Variants in C2CD2 observed in about 807,000 individuals in gnomAD.
C2CD2 encodes the protein C2 calcium dependent domain containing 2, also known as C2 domain-containing protein 2.
Under a neutral mutation model 74.3 loss-of-function variants are expected in C2CD2, and 43 were observed. The observed-to-expected ratio is 0.58, with a 90% CI of 0.45 to 0.75. The LOEUF is 0.75. Among genes scored for constraint, C2CD2 ranks in the 30% least tolerant of loss-of-function variants. The pLI is 0.00. For synonymous variants in C2CD2, 422 were observed against 390.7 expected, an observed-to-expected ratio of 1.08 and a Z score of -0.94; for missense variants, 801 against 916.3, an observed-to-expected ratio of 0.87 and a Z score of 1.63.
At position 41,897,732 on chromosome 21, in the gene C2CD2, G is replaced by A. The variant is rs535801765; in HGVS notation, c.1870+1321C>T. 4.6e-5 allele frequency among the ~76,000 whole-genome samples: 7 copies of A among 152,282 alleles called. No individual in the cohort carries two copies. The East Asian group carries it at 5.8e-4, about 13-fold the overall frequency. On this transcript the variant is annotated intron_variant, in intron 13 of 13. Coordinates refer to ENST00000380486, the MANE Select transcript of C2CD2 (RefSeq NM_015500.2). ...GGGGGCATGGGAGAGGGAGGCCGCCGTGCCATGGCTGAGGGACACAAAGCA... is the reference window on the plus strand; with the variant it reads ...GGGGGCATGGGAGAGGGAGGCCGCCATGCCATGGCTGAGGGACACAAAGCA...
chr21:41,942,741 G>A (rs922899860), intron 1 of C2CD2, among the ~76,000 whole-genome samples: 5 of 152,130 alleles, frequency 3.3e-5, no homozygotes, highest in East Asian at 1.9e-4. Flanking sequence ...GCTGTGGTAC[G>A]ATTACTTAGG....
In C2CD2 at chr21:41,899,212, C is replaced by A. The variant is rs887539553; in HGVS notation, c.1711G>T (p.Ala571Ser). ...AGCTCGTCCTCCTGGGGCTTGGGGG[C>A]AAGGGATGCCTGGGCTGACTCGGCT... ...EEAESAQASL[A>S]PKPQEDELDS... is the part of the protein sequence containing the mutation. Residue 571 changes from alanine (A) to serine (S), a missense_variant, in exon 13 of 14, where the codon GCC becomes TCC. Coordinates refer to ENST00000380486, the MANE Select transcript of C2CD2 (RefSeq NM_015500.2). This position sits in a 1 kb window ranked among gnomAD's most constrained non-coding sequence, Gnocchi z 4.4. 6.2e-7 allele frequency: 1 copy of A among 1,612,168 alleles called. No individual in the cohort carries two copies. Among genetic ancestry groups the A allele is most frequent in the Non-Finnish European group, 8.5e-7 (1 of 1,179,336 alleles).
chr21:41,887,257 T>TTA lies in C2CD2; in HGVS notation c.*1866_*1867insTA, dbSNP rs1224729340. 3 of 152,248 alleles carry TTA rather than the reference T, an allele frequency of 2.0e-5. No individual in the cohort carries two copies. The highest frequency in any genetic ancestry group is 4.4e-5 in the Non-Finnish European group (3 of 68,046). The allele number at this position is 152,248 out of a possible 1,614,324, so 9.4% of individuals were successfully genotyped here. A position where few individuals can be genotyped will look rare whatever the true frequency, so the allele number is the denominator to read the frequency against. ...GACTTTGGGGACAGAAACTTGGTAG[T>TTA]ATTCACATGTTTTGAAACTCCAGGT... On this transcript the variant is annotated 3_prime_UTR_variant, in exon 14 of 14. Transcript: ENST00000380486.
At chr21:41,910,734 T>C (rs1206847792) in intron 7 of C2CD2, among the ~76,000 whole-genome samples, 1 of 152,244 alleles carries the variant, frequency 6.6e-6, no homozygotes, top group African/African-American at 2.4e-5. Flanking sequence ...TTACTTTTTC[T>C]AATTGTTCAT....
intron 1 of C2CD2, among the ~76,000 whole-genome samples, chr21:41,944,521 CAAAAAAAA>C (rs369422328): frequency 1.0e-5 from 1 of 97,948 alleles, no homozygotes. Context: ...GACTCTGCCT[CAAAAAAAA>C]AAAAAAAAAA....
In C2CD2 at chr21:41,907,593, A is replaced by T. The variant is rs2064977904; in HGVS notation, c.1143+67T>A. On this transcript the variant is annotated intron_variant, in intron 9 of 13. Coordinates refer to ENST00000380486, the MANE Select transcript of C2CD2 (RefSeq NM_015500.2). ...GCAGGAGTGAGACTCTGCAGACATAAGTGAAGACGCTCCTTGGGTAAGTGC... is the reference window on the plus strand; with the variant it reads ...GCAGGAGTGAGACTCTGCAGACATATGTGAAGACGCTCCTTGGGTAAGTGC... 4.5e-6 allele frequency: 7 copies of T among 1,550,058 alleles called. No homozygotes were observed. In the South Asian group the frequency reaches 7.1e-5, roughly 16 times the overall value.
intron 1 of C2CD2, among the ~76,000 whole-genome samples, chr21:41,948,576 C>A (rs529001256): frequency 1.3e-5 from 2 of 152,164 alleles, no homozygotes; most frequent in African/African-American, 4.8e-5. Flanking sequence ...GAAGGGGTCA[C>A]GGTGGAGGGT....
At chr21:41,916,353 C>T (rs1466876576) in intron 5 of C2CD2, among the ~76,000 whole-genome samples, 1 of 152,114 alleles carries the variant, frequency 6.6e-6, no homozygotes, top group Admixed American at 6.6e-5. Context: ...TGCAGATTTT[C>T]CTCCCTCTCG....
In C2CD2 at chr21:41,939,749, A is replaced by G. The variant is rs1345282693; in HGVS notation, c.378+2398T>C. Among the ~76,000 whole-genome samples, 2 of 152,182 alleles carry G rather than the reference A, an allele frequency of 1.3e-5. No individual in the cohort carries two copies. Among genetic ancestry groups the G allele is most frequent in the Non-Finnish European group, 2.9e-5 (2 of 68,036 alleles). On this transcript the variant is annotated intron_variant, in intron 2 of 13. Transcript: ENST00000380486. The surrounding 1 kb of genome is among the most constrained non-coding windows in gnomAD (Gnocchi z 5.5). ...TAACAGCGTGGCTCCAGGACTGACG[A>G]GGGTATGCAGGAAGGAGAGCTCTCC... is the stretch of plus-strand genomic sequence containing the variant.
intron 1 of C2CD2, among the ~76,000 whole-genome samples, chr21:41,948,747 C>G (rs1341942516): frequency 6.6e-6 from 1 of 152,024 alleles, no homozygotes; most frequent in Non-Finnish European, 1.5e-5. Flanking sequence ...GTGAGCACAA[C>G]TGGAAGGTCA....
At chr21:41,911,672 G>A (rs183377801) in intron 7 of C2CD2, among the ~76,000 whole-genome samples, 168 of 151,548 alleles carry the variant, frequency 1.1e-3, no homozygotes, top group Non-Finnish European at 1.9e-3. Context: ...ACATGTGTGA[G>A]CTACTGTTCC....
chr21:41,907,934 A>G, intron 8 of C2CD2, 150 bp from the exon 9 acceptor site: 1 of 775,710 alleles, frequency 1.3e-6, no homozygotes, highest in Non-Finnish European at 2.2e-6. Context: ...TGTTTGAAAA[A>G]TGTCGATGCC....
chr21:41,948,870 CTT>C (rs967927171), intron 1 of C2CD2, among the ~76,000 whole-genome samples: 1,581 of 80,664 alleles, frequency 0.02, 18 homozygotes, highest in African/African-American at 0.057. Flanking sequence ...CACACAGCAT[CTT>C]TTTTTTTTTT....
At chr21:41,914,859 T>C (rs955462897) in intron 5 of C2CD2, 138 bp from the exon 6 acceptor site, 9 of 649,524 alleles carry the variant, frequency 1.4e-5, no homozygotes, top group Non-Finnish European at 2.3e-5. Flanking sequence ...GCCCGAGCTC[T>C]GGGATCTGCT....
In C2CD2 at chr21:41,887,284, CTT is replaced by C. The variant is rs998712060; in HGVS notation, c.*1838_*1839del. ...TTCACATGTTTTGAAACTCCAGGTGCTTTTTTTACAATGATTAAAACTGGAAT... is the reference window on the plus strand; with the variant it reads ...TTCACATGTTTTGAAACTCCAGGTGCTTTTTACAATGATTAAAACTGGAAT... On this transcript the variant is annotated 3_prime_UTR_variant, in exon 14 of 14. Coordinates refer to ENST00000380486, the MANE Select transcript of C2CD2 (RefSeq NM_015500.2). The C allele has an allele frequency of 6.6e-6, 1 of 152,090 alleles. No individual in the cohort carries two copies. The highest frequency in any genetic ancestry group is 2.4e-5 in the African/African-American group (1 of 41,406). 9.4% of individuals were successfully genotyped at this position (152,090 alleles called of 1,614,324 possible).
At chr21:41,900,332 C>G (rs1448400441) in intron 12 of C2CD2, among the ~76,000 whole-genome samples, 1 of 152,194 alleles carries the variant, frequency 6.6e-6, no homozygotes, top group Non-Finnish European at 1.5e-5. Flanking sequence ...TAAAAATAAT[C>G]ACTGCGGTGA....
intron 2 of C2CD2, among the ~76,000 whole-genome samples, chr21:41,930,751 G>A (rs1202638388): frequency 6.7e-6 from 1 of 149,582 alleles, no homozygotes; most frequent in Non-Finnish European, 1.5e-5. Flanking sequence ...GAGGGTATTC[G>A]GTTACAATAT....
At chr21:41,947,246 C>A (rs2065408935) in intron 1 of C2CD2, among the ~76,000 whole-genome samples, 1 of 150,948 alleles carries the variant, frequency 6.6e-6, no homozygotes, top group Admixed American at 6.6e-5. Flanking sequence ...CAACCTCTGC[C>A]TCCTGGGTTC....
At chr21:41,915,708 G>A (rs1309647627) in intron 5 of C2CD2, among the ~76,000 whole-genome samples, 1 of 152,112 alleles carries the variant, frequency 6.6e-6, no homozygotes, top group Non-Finnish European at 1.5e-5. Context: ...CCAAAGTGCT[G>A]GGATTACAGG....
Sources: gnomAD v4.1 joint callset for allele counts (sites outside exome capture counted in the v4.1 genomes callset) on GRCh38, gnomAD v4.1.1 for gene constraint, Gnocchi (gnomAD v3.1) non-coding constraint, MANE v1.5 for transcripts, NCBI Gene and HGNC (gene_info 2026-07-23, HGNC 2026-07-21) for gene names.